Variants in CTNNA3 observed in about 807,000 individuals in gnomAD.
The protein encoded by CTNNA3 is catenin alpha-3.
Under a neutral mutation model 95.7 loss-of-function variants are expected in CTNNA3, and 76 were observed. The ratio of observed to expected loss-of-function variants is 0.79; its 90% CI spans 0.66 to 0.96. CTNNA3 has a LOEUF of 0.96. Among genes scored for constraint, CTNNA3 ranks in the 40% least tolerant of loss-of-function variants. The pLI, the probability that CTNNA3 is intolerant of heterozygous loss-of-function variation, is 0.00. For synonymous variants in CTNNA3, 431 were observed against 374.4 expected, an observed-to-expected ratio of 1.15 and a Z score of -1.74; for missense variants, 1,191 against 1,089.8, an observed-to-expected ratio of 1.09 and a Z score of -1.31.
At chr10:65,963,140 A>T (rs779891405) in intron 17 of CTNNA3, among the ~76,000 whole-genome samples, 2 of 152,198 alleles carry the variant, frequency 1.3e-5, no homozygotes, top group African/African-American at 2.4e-5. Flanking sequence ...TACTATTGCC[A>T]TCTCAAACTA....
At chr10:66,742,531 T>C (rs537515565) in intron 9 of CTNNA3, among the ~76,000 whole-genome samples, 1 of 152,240 alleles carries the variant, frequency 6.6e-6, no homozygotes, top group Admixed American at 6.5e-5. Flanking sequence ...CCCTCCCCTT[T>C]TGAAAATCAC....
At chr10:66,253,590 C>G (rs1365400808) in intron 13 of CTNNA3, among the ~76,000 whole-genome samples, 1 of 152,152 alleles carries the variant, frequency 6.6e-6, no homozygotes, top group Non-Finnish European at 1.5e-5. Flanking sequence ...AGGCAGGCAC[C>G]TCAAACTGGT....
At chr10:66,025,746 A>C (rs1471059204) in intron 15 of CTNNA3, among the ~76,000 whole-genome samples, 3 of 152,192 alleles carry the variant, frequency 2.0e-5, no homozygotes, top group African/African-American at 7.2e-5. Context: ...GCAATGAGAT[A>C]TATCAAGCCC....
intron 7 of CTNNA3, among the ~76,000 whole-genome samples, chr10:66,810,575 C>T (rs536908627): frequency 6.6e-6 from 1 of 152,248 alleles, no homozygotes; most frequent in East Asian, 1.9e-4. Context: ...TTTGTGGTTT[C>T]CCATGTTGCT....
At chr10:66,027,689 C>T (rs2079369459) in intron 15 of CTNNA3, among the ~76,000 whole-genome samples, 1 of 152,048 alleles carries the variant, frequency 6.6e-6, no homozygotes, top group Non-Finnish European at 1.5e-5. Flanking sequence ...AAGGAAGACT[C>T]AATTTAGGAT....
chr10:67,530,855 T>G (rs2031667605), intron 4 of CTNNA3, among the ~76,000 whole-genome samples: 1 of 152,184 alleles, frequency 6.6e-6, no homozygotes, highest in African/African-American at 2.4e-5. Context: ...AAGGTCCCCA[T>G]GCTGTGTGCA....
At chr10:65,964,904 T>C (rs774278477) in intron 17 of CTNNA3, among the ~76,000 whole-genome samples, 2 of 151,832 alleles carry the variant, frequency 1.3e-5, no homozygotes, top group African/African-American at 2.4e-5. Context: ...ACATGCTGTG[T>C]GTATCTATAT....
chr10:67,671,515 C>A (rs192485740), intron 1 of CTNNA3, among the ~76,000 whole-genome samples: 38 of 144,730 alleles, frequency 2.6e-4, no homozygotes, highest in Admixed American at 1.7e-3. Flanking sequence ...CCCGCTCCCC[C>A]CACCCCACAA....
intron 3 of CTNNA3, among the ~76,000 whole-genome samples, chr10:67,587,507 A>C (rs953252568): frequency 1.3e-5 from 2 of 151,984 alleles, no homozygotes; most frequent in Non-Finnish European, 2.9e-5. Flanking sequence ...CTGATAGTTG[A>C]TTTCTTTCAG....
At chr10:66,564,164 T>C (rs1027136551) in intron 10 of CTNNA3, among the ~76,000 whole-genome samples, 2 of 152,100 alleles carry the variant, frequency 1.3e-5, no homozygotes, top group East Asian at 1.9e-4. Context: ...CGATACAGTT[T>C]TATGCGCTTA....
chr10:66,339,638 T>G (rs184741347), intron 12 of CTNNA3, among the ~76,000 whole-genome samples: 21 of 151,986 alleles, frequency 1.4e-4, no homozygotes, highest in Admixed American at 1.2e-3. Context: ...CAGACAGGGT[T>G]ACAGATAGTT....
chr10:66,780,882 T>C (rs1204488201), intron 7 of CTNNA3, among the ~76,000 whole-genome samples: 3 of 152,208 alleles, frequency 2.0e-5, no homozygotes, highest in South Asian at 2.1e-4. Context: ...ATTGTTTCTA[T>C]ATTCCTTTCT....
chr10:66,402,575 G>A (rs1427530378), intron 11 of CTNNA3, among the ~76,000 whole-genome samples: 1 of 152,060 alleles, frequency 6.6e-6, no homozygotes, highest in Non-Finnish European at 1.5e-5. Context: ...ATAGAGCAGG[G>A]ATACCACTTT....
At chr10:67,525,746 G>A (rs777626574) in intron 4 of CTNNA3, among the ~76,000 whole-genome samples, 30 of 152,126 alleles carry the variant, frequency 2.0e-4, no homozygotes, top group Non-Finnish European at 3.1e-4. Context: ...TAGTCAGATC[G>A]ATTGATTCAA....
rs548630620 is a variant in CTNNA3 at position 66,938,577 on chromosome 10, C to A, written c.1048-163053G>T. ...GCTGAGGAGGAGATAGAGAAGCGATCGGTCTTGCTGTCTCAGGGTGGCAGA... is the reference window on the plus strand; with the variant it reads ...GCTGAGGAGGAGATAGAGAAGCGATAGGTCTTGCTGTCTCAGGGTGGCAGA... On this transcript the variant is annotated intron_variant, in intron 7 of 17. Transcript: ENST00000433211. Among the ~76,000 whole-genome samples, 138 of 152,194 alleles carry A rather than the reference C, an allele frequency of 9.1e-4. 1 individual carries two copies. Among genetic ancestry groups the A allele is most frequent in the African/African-American group, 2.8e-3 (118 of 41,534 alleles).
chr10:67,340,972 C>G (rs1842162778), intron 5 of CTNNA3, among the ~76,000 whole-genome samples: 1 of 151,948 alleles, frequency 6.6e-6, no homozygotes, highest in Admixed American at 6.6e-5. Context: ...GATGGCAAGA[C>G]AAAGGAGTGT....
upstream of CTNNA3, among the ~76,000 whole-genome samples, chr10:67,697,254 T>A (rs1840982667): frequency 6.6e-6 from 1 of 152,238 alleles, no homozygotes; most frequent in Admixed American, 6.5e-5. Context: ...TCCCCAGATT[T>A]TTTTAAAGCA....
At chr10:67,222,230 A>G (rs1335971271) in intron 5 of CTNNA3, among the ~76,000 whole-genome samples, 1 of 152,196 alleles carries the variant, frequency 6.6e-6, no homozygotes, top group Non-Finnish European at 1.5e-5. Flanking sequence ...TAGGGAGGAC[A>G]GTTAGAAGTA....
chr10:66,231,076 G>T (rs946444749), intron 13 of CTNNA3, among the ~76,000 whole-genome samples: 1 of 152,102 alleles, frequency 6.6e-6, no homozygotes, highest in Non-Finnish European at 1.5e-5. Context: ...AGGACCCAAT[G>T]TGAATTTTCT....
Sources: gnomAD v4.1 joint callset for allele counts (sites outside exome capture counted in the v4.1 genomes callset) on GRCh38, gnomAD v4.1.1 for gene constraint, MANE v1.5 for transcripts, NCBI Gene and HGNC (gene_info 2026-07-23, HGNC 2026-07-21) for gene names.